SLC25A53: variants seen among roughly 807,000 people sequenced by gnomAD.
SLC25A53 encodes the protein solute carrier family 25 member 53.
Under a neutral mutation model 15.0 loss-of-function variants are expected in SLC25A53, and 5 were observed. The ratio of observed to expected loss-of-function variants is 0.33; its 90% confidence interval spans 0.17 to 0.70. The LOEUF (loss-of-function observed/expected upper bound fraction) is 0.70, where lower values mean the gene tolerates loss of function less well. SLC25A53 is among the 30% of genes least tolerant of loss of function. SLC25A53 has a pLI of 0.67. For synonymous variants in SLC25A53, 95 were observed against 100.0 expected (o/e 0.95, Z 0.30); for missense variants, 216 against 241.6 (o/e 0.89, Z 0.70).
chrX:104,120,098 T>C (rs1350906576), intron 1 of SLC25A53, among the ~76,000 whole-genome samples: 1 of 112,227 alleles, frequency 8.9e-6, no homozygotes, highest in Non-Finnish European at 1.9e-5. Flanking sequence ...TCTACGACTT[T>C]ACAAGAAATT....
Position 104,156,925 on chromosome X carries a change from TGG to T in SLC25A53, c.-81_-80del, listed in dbSNP as rs1331784321. On this transcript the variant is annotated 5_prime_UTR_variant, in exon 1 of 2. Coordinates refer to ENST00000594199, the MANE Select transcript of SLC25A53 (RefSeq NM_001012755.5). Reference sequence around the variant, plus strand: ...GCGGCGACCGACGGCCCCTTTCCTGTGGCCTCAGAAAGCAGCGACAGTCGCAG... The same window carrying T: ...GCGGCGACCGACGGCCCCTTTCCTGTCCTCAGAAAGCAGCGACAGTCGCAG... 8.9e-6 allele frequency: 1 copy of T among 112,134 alleles called. No homozygotes were observed. Among genetic ancestry groups the T allele is most frequent in the Non-Finnish European group, 1.9e-5 (1 of 53,264 alleles). 9.2% of individuals were successfully genotyped at this position (112,134 alleles called of 1,213,427 possible). A position where few individuals can be genotyped will look rare whatever the true frequency, so the allele number is the denominator to read the frequency against.
intron 1 of SLC25A53, among the ~76,000 whole-genome samples, chrX:104,127,222 T>C (rs2075413239): frequency 8.9e-6 from 1 of 112,390 alleles, no homozygotes; most frequent in African/African-American, 3.2e-5. Context: ...AAGGATTACA[T>C]TTGGTGAAGA....
chrX:104,110,295 G>C (rs1471463492), intron 1 of SLC25A53, among the ~76,000 whole-genome samples: 4 of 111,700 alleles, frequency 3.6e-5, no homozygotes, highest in Non-Finnish European at 5.6e-5. Flanking sequence ...GCAACTGCCA[G>C]CATCACCCCT....
chrX:104,116,563 C>G (rs943909744), intron 1 of SLC25A53, among the ~76,000 whole-genome samples: 23 of 111,258 alleles, frequency 2.1e-4, no homozygotes, highest in Admixed American at 9.5e-4. Context: ...TCTACAGTGA[C>G]AGGGACAGGA....
intron 1 of SLC25A53, among the ~76,000 whole-genome samples, chrX:104,153,032 C>T (rs1556370674): frequency 9.0e-6 from 1 of 110,904 alleles, no homozygotes; most frequent in Non-Finnish European, 1.9e-5. Context: ...CTGTGGACTG[C>T]CACCCTCCAG....
At chrX:104,147,323 A>C (rs1354609792) in intron 1 of SLC25A53, among the ~76,000 whole-genome samples, 4 of 111,271 alleles carry the variant, frequency 3.6e-5, no homozygotes, top group African/African-American at 9.8e-5. Flanking sequence ...TAAAGACTTA[A>C]ACGTTAGACC....
At chrX:104,147,522 A>C (rs1176443098) in intron 1 of SLC25A53, among the ~76,000 whole-genome samples, 2 of 104,348 alleles carry the variant, frequency 1.9e-5, no homozygotes, top group African/African-American at 3.5e-5. Flanking sequence ...CAACCTACAA[A>C]ACGGGAGAAA....
chrX:104,123,542 TTTA>T (rs1292081133), intron 1 of SLC25A53, among the ~76,000 whole-genome samples: 145 of 91,089 alleles, frequency 1.6e-3, no homozygotes, highest in Middle Eastern at 0.014. Context: ...TGCTGATTTG[TTTA>T]TTTTTTTTTT....
intron 1 of SLC25A53, among the ~76,000 whole-genome samples, chrX:104,126,051 A>G (rs1255578944): frequency 8.9e-6 from 1 of 112,081 alleles, no homozygotes; most frequent in East Asian, 2.8e-4. Flanking sequence ...TCATGCCTGT[A>G]ATCCCAGCAC....
chrX:104,120,595 A>C (rs2075390422), intron 1 of SLC25A53, among the ~76,000 whole-genome samples: 1 of 112,238 alleles, frequency 8.9e-6, no homozygotes, highest in Non-Finnish European at 1.9e-5. Context: ...TAGCTTCCTT[A>C]GAATTTTCTG....
chrX:104,128,157 G>A (rs781941236), intron 1 of SLC25A53, among the ~76,000 whole-genome samples: 1 of 111,183 alleles, frequency 9.0e-6, no homozygotes, highest in Non-Finnish European at 1.9e-5. Flanking sequence ...GTGTATCAGT[G>A]CTTCTTTGTA....
intron 1 of SLC25A53, chrX:104,113,405 ACCCTTCCTTTCCCT>A (rs1375299340): frequency 9.1e-6 from 1 of 110,326 alleles, no homozygotes; most frequent in Non-Finnish European, 1.9e-5. Context: ...GCTGCTTCCA[ACCCTTCCTTTCCCT>A]CCTTCGCGGC....
chrX:104,132,795 C>T lies in SLC25A53; in HGVS notation c.-32+24083G>A, dbSNP rs1434948936. Among the ~76,000 whole-genome samples, 4 of 112,087 alleles carry T rather than the reference C, an allele frequency of 3.6e-5. No homozygotes were observed. The East Asian group carries it at 1.1e-3, about 31-fold the overall frequency. ...TCAATTCCCTGATGGGTGAACCTTA[C>T]TGACTTGAAGACAAGAGGACAGAGT... On this transcript the variant is annotated intron_variant, in intron 1 of 1. Coordinates refer to ENST00000594199, the MANE Select transcript of SLC25A53 (RefSeq NM_001012755.5).
chrX:104,141,427 G>A (rs2075450493), intron 1 of SLC25A53, among the ~76,000 whole-genome samples: 2 of 112,002 alleles, frequency 1.8e-5, no homozygotes, highest in African/African-American at 6.5e-5. Flanking sequence ...AAACACAGGT[G>A]TAAATCTTCA....
intron 1 of SLC25A53, among the ~76,000 whole-genome samples, chrX:104,149,908 A>G (rs2075479854): frequency 9.0e-6 from 1 of 111,087 alleles, no homozygotes; most frequent in Non-Finnish European, 1.9e-5. Context: ...GGAGACTAAT[A>G]TTTTAACTGA....
intron 1 of SLC25A53, among the ~76,000 whole-genome samples, chrX:104,133,319 T>G (rs1366385871): frequency 1.1e-4 from 12 of 111,867 alleles, no homozygotes; most frequent in African/African-American, 3.6e-4. Flanking sequence ...TTTAACCAGC[T>G]ATTATAATGA....
chrX:104,147,208 T>C (rs782163880), intron 1 of SLC25A53, among the ~76,000 whole-genome samples: 18 of 111,493 alleles, frequency 1.6e-4, no homozygotes, highest in African/African-American at 4.9e-4. Flanking sequence ...GGGGAAGGGA[T>C]TCCCTATTTA....
intron 1 of SLC25A53, among the ~76,000 whole-genome samples, chrX:104,126,408 C>T (rs2075411017): frequency 9.0e-6 from 1 of 111,463 alleles, no homozygotes; most frequent in African/African-American, 3.3e-5. Context: ...ATTCCCAGCA[C>T]TTTGGGAGGC....
At chrX:104,117,772 T>A (rs782389837) in intron 1 of SLC25A53, among the ~76,000 whole-genome samples, 22 of 111,959 alleles carry the variant, frequency 2.0e-4, no homozygotes, top group Non-Finnish European at 3.6e-4. Flanking sequence ...CTGCTCACCT[T>A]TTCTCAAATT....
Sources: gnomAD v4.1 joint callset for allele counts (sites outside exome capture counted in the v4.1 genomes callset) on GRCh38, gnomAD v4.1.1 for gene constraint, MANE v1.5 for transcripts, NCBI Gene and HGNC (gene_info 2026-07-23, HGNC 2026-07-21) for gene names.